The following RFXANK variants were observed in gnomAD, a reference collection of about 807,000 sequenced individuals.
RFXANK encodes the protein DNA-binding protein RFXANK.
RFXANK carries 19 observed loss-of-function variants against 34.5 expected under a neutral mutation model. The ratio of observed to expected loss-of-function variants is 0.55; its 90% confidence interval spans 0.38 to 0.81. The LOEUF is 0.81. Among genes scored for constraint, RFXANK ranks in the 30% least tolerant of loss-of-function variants. RFXANK has a pLI of 0.00. For missense variants in RFXANK, 295 were observed against 343.5 expected (o/e 0.86, Z 1.12); for synonymous variants, 154 against 149.8 (o/e 1.03, Z -0.20).
intron 9 of RFXANK, among the ~76,000 whole-genome samples, chr19:19,201,130 G>C (rs1463037802): frequency 6.6e-6 from 1 of 152,096 alleles, no homozygotes; most frequent in Non-Finnish European, 1.5e-5. Flanking sequence ...TTTTAGTAGA[G>C]ATGGGGTTTC....
Position 19,192,292 on chromosome 19 carries a change from G to A in RFXANK, c.-412G>A. On this transcript the variant is annotated 5_prime_UTR_variant, in exon 1 of 10. Coordinates refer to ENST00000303088, the MANE Select transcript of RFXANK (RefSeq NM_003721.4). ...CAAGAAAGGGGCTGTGTGAGACGCA[G>A]GGAAGGAGGCACACCCGGGGGTGGC... 3.6e-6 allele frequency: 3 copies of A among 832,140 alleles called. No homozygotes were observed. The highest frequency in any genetic ancestry group is 5.5e-6 in the Non-Finnish European group (3 of 540,548). The allele number at this position is 832,140 out of a possible 1,614,324, so 51.5% of individuals were successfully genotyped here.
chr19:19,198,299 A>G (rs879194882), intron 7 of RFXANK, 67 bp downstream of exon 7: 26 of 1,602,488 alleles, frequency 1.6e-5, no homozygotes, highest in African/African-American at 2.7e-5. Flanking sequence ...AAATGTTCAC[A>G]GAGTACTTGA....
chr19:19,195,688 A>G (rs2060586985), intron 3 of RFXANK, among the ~76,000 whole-genome samples: 1 of 148,652 alleles, frequency 6.7e-6, no homozygotes, highest in African/African-American at 2.5e-5. Context: ...TCTAAGAAGG[A>G]CTTATTCCTT....
In RFXANK at chr19:19,198,720, C is replaced by T. The variant is rs367998988; in HGVS notation, c.628C>T (p.Leu210=). ...CCACGTGAAATGCGTTGAGGCCTTG[C>T]TGGGTGAGTGGGAGTCGGGAGTGGC... ...GNHVKCVEAL[L]ARGADLTTEA... is the part of the protein sequence containing the mutation. The change falls in exon 8 of 10, where the codon CTG becomes TTG. Residue 210 remains leucine, a synonymous_variant. Coordinates refer to ENST00000303088, the MANE Select transcript of RFXANK (RefSeq NM_003721.4). The T allele has an allele frequency of 9.9e-6, 16 of 1,613,810 alleles. No homozygotes were observed. The African/African-American group carries it at 2.0e-4, about 20-fold the overall frequency.
chr19:19,201,663 G>A lies in RFXANK; in HGVS notation c.727G>A (p.Glu243Lys), dbSNP rs1456448826. The part of the protein sequence containing the change: ...LGYRKVQQVI[E>K]NHILKLFQSN... ...CCCCATCTCAGTGCAACAGGTGATC[G>A]AGAACCACATCCTCAAGCTCTTCCA... Residue 243 changes from glutamate (E) to lysine (K), a missense_variant, in exon 10 of 10, where the codon GAG becomes AAG. Coordinates refer to ENST00000303088, the MANE Select transcript of RFXANK (RefSeq NM_003721.4). 3.1e-6 allele frequency: 5 copies of A among 1,613,960 alleles called. No individual in the cohort carries two copies. Among genetic ancestry groups the A allele is most frequent in the South Asian group, 1.1e-5 (1 of 91,084 alleles).
chr19:19,201,735 G>C lies in RFXANK; in HGVS notation c.*16G>C. On this transcript the variant is annotated 3_prime_UTR_variant, in exon 10 of 10. Coordinates refer to ENST00000303088, the MANE Select transcript of RFXANK (RefSeq NM_003721.4). ...CCCTGAGTGAAGGCCGCCTGCCGGGGACTCAGACACTCAGGGAACAAAATG... is the reference window on the plus strand; with the variant it reads ...CCCTGAGTGAAGGCCGCCTGCCGGGCACTCAGACACTCAGGGAACAAAATG... 1 of 1,613,794 alleles carries C rather than the reference G, an allele frequency of 6.2e-7. No homozygotes were observed.
At chr19:19,197,084 G>A in intron 4 of RFXANK, 38 bp downstream of exon 4, 4 of 1,612,134 alleles carry the variant, frequency 2.5e-6, no homozygotes, top group Non-Finnish European at 3.4e-6. Flanking sequence ...GAGAGGAGTA[G>A]GAGGGTGGGA....
intron 5 of RFXANK, 64 bp from the exon 6 acceptor site, chr19:19,197,457 T>G: frequency 6.6e-7 from 1 of 1,521,020 alleles, no homozygotes; most frequent in South Asian, 1.1e-5. Flanking sequence ...CGTCCCCATT[T>G]GGCAGCACTG....
Position 19,197,249 on chromosome 19 carries a change from A to G in RFXANK, c.335A>G (p.Lys112Arg). The change falls in exon 5 of 10, where the codon AAA (lysine) becomes AGA (arginine). Residue 112 changes from lysine (K) to arginine (R), a missense_variant and splice_region_variant. Lys to Arg is a conservative substitution (Grantham distance 26, BLOSUM62 2). Transcript: ENST00000303088. ...ELDQLKEHLR[K>R]GDNLVNKPDE... is the part of the protein sequence containing the mutation. Reference sequence around the variant, plus strand: ...GACCAGCTGAAGGAGCATTTGCGGAAAGGTGCGTGTCCACACACATGTGCT... The same window carrying G: ...GACCAGCTGAAGGAGCATTTGCGGAGAGGTGCGTGTCCACACACATGTGCT... 6.2e-7 allele frequency: 1 copy of G among 1,612,750 alleles called. No individual in the cohort carries two copies. Among genetic ancestry groups the G allele is most frequent in the Non-Finnish European group, 8.5e-7 (1 of 1,180,024 alleles).
Position 19,194,005 on chromosome 19 carries a change from A to G in RFXANK, c.59A>G (p.Glu20Gly), listed in dbSNP as rs2060549997. ...CAGACCCAGCAGACCCCTGCCTCAG[A>G]ACTTGGGGACCCTGAAGACCCCGGA... is the stretch of plus-strand genomic sequence containing the variant. ...LIQTQQTPASELGDPEDPGEE... is the reference protein window; with the variant it reads ...LIQTQQTPASGLGDPEDPGEE... The change falls in exon 3 of 10, where the codon GAA (glutamate) becomes GGA (glycine). Residue 20 changes from glutamate to glycine, a missense_variant. Glu to Gly is a moderately conservative substitution (Grantham distance 98). Transcript: ENST00000303088. 1.9e-6 allele frequency: 3 copies of G among 1,614,000 alleles called. No individual in the cohort carries two copies. Among genetic ancestry groups the G allele is most frequent in the Admixed American group, 3.3e-5 (2 of 59,982 alleles).
chr19:19,192,270 G>C lies in RFXANK; in HGVS notation c.-434G>C. 1.5e-5 allele frequency: 15 copies of C among 1,020,162 alleles called. No individual in the cohort carries two copies. The highest frequency in any genetic ancestry group is 2.0e-5 in the Non-Finnish European group (14 of 695,888). The allele number at this position is 1,020,162 out of a possible 1,614,324, so 63.2% of individuals were successfully genotyped here. On this transcript the variant is annotated 5_prime_UTR_variant, in exon 1 of 10. Coordinates refer to ENST00000303088, the MANE Select transcript of RFXANK (RefSeq NM_003721.4). ...CCCGCTCCTCAGTCTTTGCGGACAAGAAAGGGGCTGTGTGAGACGCAGGGA... is the reference window on the plus strand; with the variant it reads ...CCCGCTCCTCAGTCTTTGCGGACAACAAAGGGGCTGTGTGAGACGCAGGGA...
In RFXANK at chr19:19,192,452, A is replaced by C; in HGVS notation, c.-252A>C. 4 of 361,402 alleles carry C rather than the reference A, an allele frequency of 1.1e-5. No individual in the cohort carries two copies. Among genetic ancestry groups the C allele is most frequent in the South Asian group, 4.4e-5 (1 of 22,776 alleles). The allele number at this position is 361,402 out of a possible 1,614,324, so 22.4% of individuals were successfully genotyped here. A position where few individuals can be genotyped will look rare whatever the true frequency, so the allele number is the denominator to read the frequency against. ...TGGGGGAGTCCTCCACGCATTACCCACTCGGGCCGCAAAAACTCCCTTCTT... is the reference window on the plus strand; with the variant it reads ...TGGGGGAGTCCTCCACGCATTACCCCCTCGGGCCGCAAAAACTCCCTTCTT... On this transcript the variant is annotated 5_prime_UTR_variant, in exon 1 of 10. Coordinates refer to ENST00000303088, the MANE Select transcript of RFXANK (RefSeq NM_003721.4).
chr19:19,201,698 G>T lies in RFXANK; in HGVS notation c.762G>T (p.Leu254=), dbSNP rs766587567. The T allele has an allele frequency of 3.7e-6, 6 of 1,613,976 alleles. No individual in the cohort carries two copies. The Admixed American group carries it at 1.0e-4, about 27-fold the overall frequency. ...NHILKLFQSN[L]VPADPE ...TCCTCAAGCTCTTCCAGAGCAACCT[G>T]GTGCCCGCTGACCCTGAGTGAAGGC... The change falls in exon 10 of 10, where the codon CTG becomes CTT. Residue 254 remains leucine (L), a synonymous_variant. Transcript: ENST00000303088.
intron 5 of RFXANK, 122 bp downstream of exon 5, chr19:19,197,373 G>A: frequency 8.1e-7 from 1 of 1,233,800 alleles, no homozygotes; most frequent in Non-Finnish European, 1.2e-6. Flanking sequence ...CTAACTGTGT[G>A]TGTGACCGTG....
intron 3 of RFXANK, among the ~76,000 whole-genome samples, chr19:19,196,760 G>A (rs569392206): frequency 6.6e-6 from 1 of 152,226 alleles, no homozygotes; most frequent in Admixed American, 6.5e-5. Flanking sequence ...AGCTACTCGG[G>A]AGGCTGAGGC....
At chr19:19,196,868 C>T (rs1202035734) in intron 3 of RFXANK, 95 bp from the exon 4 acceptor site, 2 of 1,180,068 alleles carry the variant, frequency 1.7e-6, no homozygotes, top group African/African-American at 3.0e-5. Context: ...CCATCTCAAA[C>T]AACAACAGCA....
At position 19,199,139 on chromosome 19, in the gene RFXANK, C is replaced by T. The variant is rs1445352874; in HGVS notation, c.632-15C>T. 6.2e-7 allele frequency: 1 copy of T among 1,613,090 alleles called. No individual in the cohort carries two copies. Among genetic ancestry groups the T allele is most frequent in the Non-Finnish European group, 8.5e-7 (1 of 1,179,826 alleles). ...CCAGGCCCCACCCTCCAGCGCCCTC[C>T]CCTCTCCTTTGCAGCCCGAGGCGCT... On this transcript the variant is annotated splice_polypyrimidine_tract_variant and intron_variant, in intron 8 of 9. Transcript: ENST00000303088.
At chr19:19,195,737 A>ATTTTT (rs61553021) in intron 3 of RFXANK, among the ~76,000 whole-genome samples, 9 of 105,678 alleles carry the variant, frequency 8.5e-5, no homozygotes, top group African/African-American at 1.5e-4. Context: ...CTGCTTTTAA[A>ATTTTT]TTTTTTTTTT....
Position 19,196,971 on chromosome 19 carries a change from T to A in RFXANK, c.196T>A (p.Ser66Thr), listed in dbSNP as rs1300551779. 1 of 1,612,182 alleles carries A rather than the reference T, an allele frequency of 6.2e-7. No homozygotes were observed. The highest frequency in any genetic ancestry group is 8.5e-7 in the Non-Finnish European group (1 of 1,179,930). Residue 66 changes from serine (S) to threonine (T), a missense_variant, in exon 4 of 10, where the codon TCC becomes ACC. Physicochemically the swap from Ser to Thr is moderately conservative, Grantham distance 58. Coordinates refer to ENST00000303088, the MANE Select transcript of RFXANK (RefSeq NM_003721.4). ...TGTTGTCTGTTTCCCAGCAGGCAGC[T>A]CCCTGAAGCACTCCACCACTCTCAC... ...ASVSSPQAGS[S>T]LKHSTTLTNR...
Sources: allele counts gnomAD v4.1 joint callset (sites outside exome capture counted in the v4.1 genomes callset), GRCh38; gene constraint gnomAD v4.1.1; transcripts MANE v1.5; gene names NCBI Gene and HGNC (gene_info 2026-07-23, HGNC 2026-07-21).